RGS6: variants seen among roughly 807,000 people sequenced by gnomAD.
RGS6 encodes the protein regulator of G-protein signaling 6.
Under a neutral mutation model 78.5 loss-of-function variants are expected in RGS6, and 30 were observed. That is an observed-to-expected ratio of 0.38 (90% CI 0.29 to 0.52). The LOEUF (loss-of-function observed/expected upper bound fraction) is 0.52, where lower values mean the gene tolerates loss of function less well. RGS6 is among the 20% of genes least tolerant of loss of function. The probability of loss-of-function intolerance (pLI) is 0.85; values close to 1 mark genes in which losing one functional copy is unlikely to be tolerated. For synonymous variants in RGS6, 206 were observed against 206.0 expected (o/e 1.00, Z 0.00); for missense variants, 495 against 609.7 (o/e 0.81, Z 1.98).
chr14:72,524,913 C>G (rs1441082016), intron 15 of RGS6, among the ~76,000 whole-genome samples: 1 of 152,206 alleles, frequency 6.6e-6, no homozygotes, highest in African/African-American at 2.4e-5. Context: ...CAGTTTCCCA[C>G]CTCACCTTCC....
chr14:72,051,521 A>C (rs2093241368), intron 2 of RGS6, among the ~76,000 whole-genome samples: 1 of 152,222 alleles, frequency 6.6e-6, no homozygotes, highest in Non-Finnish European at 1.5e-5. Context: ...GGTATAATTT[A>C]AGGTATGAAA....
chr14:72,278,349 G>A (rs545045108), intron 2 of RGS6, among the ~76,000 whole-genome samples: 1 of 152,198 alleles, frequency 6.6e-6, no homozygotes, highest in Admixed American at 6.5e-5. Flanking sequence ...TGGGGAGGCA[G>A]ATGAGAAGAG....
chr14:72,570,063 G>T (rs955633311), downstream of RGS6, among the ~76,000 whole-genome samples: 2 of 152,182 alleles, frequency 1.3e-5, no homozygotes, highest in Non-Finnish European at 2.9e-5. Flanking sequence ...AAGCTACTTA[G>T]AGTCAGCCCT....
At chr14:71,987,103 G>A (rs2094746466) in intron 2 of RGS6, among the ~76,000 whole-genome samples, 1 of 152,126 alleles carries the variant, frequency 6.6e-6, no homozygotes. Flanking sequence ...GGACATCTTT[G>A]GAGGGCCGTT....
At position 72,565,451 on chromosome 14, in the gene RGS6, A is replaced by C. The variant is rs956809318; in HGVS notation, c.*2984A>C. ...GCAGCAGGAACTCTCTGGGCTGGGG[A>C]GGAGCCTCCTGCCCTTCTAGAAAGT... is the stretch of plus-strand genomic sequence containing the variant. On this transcript the variant is annotated 3_prime_UTR_variant, in exon 18 of 18. Coordinates refer to ENST00000553525, the MANE Select transcript of RGS6 (RefSeq NM_001204424.2). 9 of 152,188 alleles carry C rather than the reference A, an allele frequency of 5.9e-5. No homozygotes were observed. The highest frequency in any genetic ancestry group is 2.2e-4 in the African/African-American group (9 of 41,454). 9.4% of individuals were successfully genotyped at this position (152,188 alleles called of 1,614,324 possible). A position where few individuals can be genotyped will look rare whatever the true frequency, so the allele number is the denominator to read the frequency against.
At chr14:72,030,693 C>T (rs552619327) in intron 2 of RGS6, among the ~76,000 whole-genome samples, 110 of 152,216 alleles carry the variant, frequency 7.2e-4, no homozygotes, top group Non-Finnish European at 7.9e-4. Context: ...ATGCTTTGTT[C>T]AAACAATTAT....
chr14:72,473,304 C>T (rs1231417308), intron 9 of RGS6, among the ~76,000 whole-genome samples: 7 of 152,208 alleles, frequency 4.6e-5, no homozygotes, highest in African/African-American at 7.2e-5. Context: ...ATTAGCCGGG[C>T]GTGGTGGCAG....
chr14:72,438,056 A>G (rs2095021108), intron 3 of RGS6, among the ~76,000 whole-genome samples: 1 of 152,114 alleles, frequency 6.6e-6, no homozygotes, highest in South Asian at 2.1e-4. Flanking sequence ...CAGGAGCAGG[A>G]AAAAGGGGGG....
chr14:72,495,128 C>A (rs774601714), intron 12 of RGS6, 24 bp from the exon 13 acceptor site: 24 of 1,362,024 alleles, frequency 1.8e-5, no homozygotes, highest in Non-Finnish European at 2.4e-5. Context: ...CAGTGGCATT[C>A]TTTGCTCTGC....
chr14:71,918,346 T>C, the RGS6 span, among the ~76,000 whole-genome samples: 2 of 152,122 alleles, frequency 1.3e-5, no homozygotes, highest in East Asian at 1.9e-4. Context: ...TTAACCATCA[T>C]AGTGAAATTA....
At chr14:72,157,525 T>G (rs966346215) in intron 2 of RGS6, among the ~76,000 whole-genome samples, 2 of 152,344 alleles carry the variant, frequency 1.3e-5, no homozygotes, top group Admixed American at 6.5e-5. Context: ...TTCCCAGGTT[T>G]CCTTCTCCAC....
intron 2 of RGS6, among the ~76,000 whole-genome samples, chr14:72,096,631 G>C (rs1028732229): frequency 6.6e-6 from 1 of 152,118 alleles, no homozygotes; most frequent in African/African-American, 2.4e-5. Flanking sequence ...TTATGCCCTG[G>C]CTCTTAAATG....
At chr14:72,307,173 G>T (rs755818727) in intron 2 of RGS6, among the ~76,000 whole-genome samples, 2 of 152,156 alleles carry the variant, frequency 1.3e-5, no homozygotes, top group Non-Finnish European at 2.9e-5. Context: ...AGCATTTTTA[G>T]CCATAAAGTA....
At chr14:71,929,588 A>G (rs2087771562), upstream of RGS6, among the ~76,000 whole-genome samples, 1 of 152,180 alleles carries the variant, frequency 6.6e-6, no homozygotes, top group African/African-American at 2.4e-5. Flanking sequence ...ATAATTAATG[A>G]TGTATTAATG....
intron 2 of RGS6, among the ~76,000 whole-genome samples, chr14:72,066,500 G>GT (rs59912697): frequency 1.1e-3 from 149 of 137,284 alleles, no homozygotes; most frequent in African/African-American, 1.5e-3. Context: ...TGTCAGAAGG[G>GT]TTTTTTTTTT....
chr14:71,942,393 C>T (rs950977211), intron 1 of RGS6, among the ~76,000 whole-genome samples: 2 of 151,648 alleles, frequency 1.3e-5, no homozygotes, highest in African/African-American at 4.8e-5. Flanking sequence ...CCCTAATTAC[C>T]AAGGCAGCAG....
intron 2 of RGS6, among the ~76,000 whole-genome samples, chr14:72,339,235 A>G (rs2076556177): frequency 1.3e-5 from 2 of 152,090 alleles, no homozygotes; most frequent in African/African-American, 4.8e-5. Flanking sequence ...CATGAATGAG[A>G]TTAGATTTGA....
chr14:72,269,506 T>C (rs1004469965), intron 2 of RGS6, among the ~76,000 whole-genome samples: 1 of 152,076 alleles, frequency 6.6e-6, no homozygotes, highest in South Asian at 2.1e-4. Context: ...GACTGCATGA[T>C]TGAGACCCTT....
chr14:72,007,828 G>T (rs35727014), intron 2 of RGS6, among the ~76,000 whole-genome samples: 98,847 of 151,886 alleles, frequency 0.65, 33,041 homozygotes, highest in Non-Finnish European at 0.74. Flanking sequence ...AAGCCTAAAG[G>T]GATTCCCAGA....
Sources: gnomAD v4.1 joint callset for allele counts (sites outside exome capture counted in the v4.1 genomes callset) on GRCh38, gnomAD v4.1.1 for gene constraint, MANE v1.5 for transcripts, NCBI Gene and HGNC (gene_info 2026-07-23, HGNC 2026-07-21) for gene names.